QTGAL: variants seen among roughly 807,000 people sequenced by gnomAD.
The protein encoded by QTGAL is queuosine-tRNA galactosyltransferase.
chr17:83,023,600 A>G, the QTGAL span, among the ~76,000 whole-genome samples: 1 of 152,240 alleles, frequency 6.6e-6, no homozygotes, highest in Admixed American at 6.5e-5. Flanking sequence ...CATTCTAAAT[A>G]AAGGGAAAAT....
At chr17:83,021,485 C>CT in the QTGAL span, among the ~76,000 whole-genome samples, 1 of 152,098 alleles carries the variant, frequency 6.6e-6, no homozygotes, top group East Asian at 1.9e-4. Context: ...GACCCATACC[C>CT]TAAAAACTAC....
At chr17:83,011,335 A>G in the QTGAL span, 3 of 152,362 alleles carry the variant, frequency 2.0e-5, no homozygotes, top group African/African-American at 7.2e-5. Context: ...TGATTTATCT[A>G]CATGCAAATG....
chr17:82,957,588 T>G, the QTGAL span: 1 of 1,455,278 alleles, frequency 6.9e-7, no homozygotes. Context: ...TCAGCTCACG[T>G]TGCCAGTGGA....
the QTGAL span, among the ~76,000 whole-genome samples, chr17:83,001,228 A>G: frequency 6.6e-6 from 1 of 152,246 alleles, no homozygotes; most frequent in African/African-American, 2.4e-5. Flanking sequence ...GGGACAGAGG[A>G]ATCTGTTAAA....
the QTGAL span, chr17:82,965,883 G>C: frequency 4.4e-6 from 4 of 905,220 alleles, no homozygotes; most frequent in Non-Finnish European, 6.9e-6. Context: ...AGGGCCTCAA[G>C]AGACTTCACC....
At chr17:83,000,536 T>C in the QTGAL span, among the ~76,000 whole-genome samples, 1 of 152,186 alleles carries the variant, frequency 6.6e-6, no homozygotes, top group Non-Finnish European at 1.5e-5. Context: ...ATGTTAAGTT[T>C]TGATAAATTT....
chr17:83,026,961 G>T, the QTGAL span, among the ~76,000 whole-genome samples: 2 of 89,892 alleles, frequency 2.2e-5, no homozygotes, highest in South Asian at 3.8e-4. Context: ...CACACAGAGC[G>T]GGGCAGGGAG....
the QTGAL span, among the ~76,000 whole-genome samples, chr17:83,029,003 C>T: frequency 2.0e-5 from 3 of 152,272 alleles, no homozygotes; most frequent in South Asian, 2.1e-4. Flanking sequence ...GTTTCACGTA[C>T]GCATGAAATT....
chr17:82,970,159 T>C, the QTGAL span, among the ~76,000 whole-genome samples: 1 of 152,092 alleles, frequency 6.6e-6, no homozygotes, highest in African/African-American at 2.4e-5. Context: ...CCCTGGGACA[T>C]CAGGAAGAGC....
the QTGAL span, among the ~76,000 whole-genome samples, chr17:83,001,065 C>G: frequency 1.3e-5 from 2 of 152,212 alleles, no homozygotes. Flanking sequence ...ACCGATCAAA[C>G]TGTACATTTG....
the QTGAL span, chr17:82,957,268 G>A: frequency 1.2e-6 from 2 of 1,614,168 alleles, no homozygotes; most frequent in Non-Finnish European, 1.7e-6. Flanking sequence ...AAGCACAGAA[G>A]GGCAGCTCTG....
the QTGAL span, among the ~76,000 whole-genome samples, chr17:82,998,004 G>A: frequency 6.8e-6 from 1 of 146,850 alleles, no homozygotes; most frequent in African/African-American, 2.5e-5. Flanking sequence ...TATATATCTA[G>A]ATATATATAG....
the QTGAL span, among the ~76,000 whole-genome samples, chr17:83,024,672 G>C: frequency 6.6e-6 from 1 of 152,260 alleles, no homozygotes; most frequent in East Asian, 1.9e-4. Flanking sequence ...CCCCGGGGCT[G>C]AGACTGCGGA....
the QTGAL span, among the ~76,000 whole-genome samples, chr17:83,004,722 A>G: frequency 3.4e-5 from 4 of 116,498 alleles, no homozygotes; most frequent in African/African-American, 3.6e-5. Context: ...CACTCTCTGC[A>G]GTCCGCGTGT....
chr17:83,005,704 T>A, the QTGAL span: 1 of 711,860 alleles, frequency 1.4e-6, no homozygotes, highest in East Asian at 2.7e-5. The surrounding 1 kb of genome is among the most constrained non-coding windows in gnomAD (Gnocchi z 5.6). Context: ...ACCAGCTGGC[T>A]TCCTCCAGGG....
At chr17:82,999,855 G>A in the QTGAL span, among the ~76,000 whole-genome samples, 2 of 152,202 alleles carry the variant, frequency 1.3e-5, no homozygotes, top group South Asian at 4.1e-4. Flanking sequence ...CAGTGGCACT[G>A]TGTATGGGTC....
the QTGAL span, among the ~76,000 whole-genome samples, chr17:82,952,024 G>T: frequency 6.6e-6 from 1 of 152,204 alleles, no homozygotes; most frequent in African/African-American, 2.4e-5. Context: ...CACTGATGGG[G>T]TTGCTCTCGT....
chr17:82,991,786 G>T, the QTGAL span, among the ~76,000 whole-genome samples: 1 of 152,144 alleles, frequency 6.6e-6, no homozygotes, highest in South Asian at 2.1e-4. Flanking sequence ...CAAAGTAGTT[G>T]TTCTGAGGAA....
chr17:82,981,957 G>T, the QTGAL span, among the ~76,000 whole-genome samples: 2 of 152,254 alleles, frequency 1.3e-5, no homozygotes, highest in East Asian at 3.8e-4. Flanking sequence ...TCATTAAATG[G>T]AAGTGGATCA....
Sources: gnomAD v4.1 joint callset for allele counts (sites outside exome capture counted in the v4.1 genomes callset) on GRCh38, gnomAD v4.1.1 for gene constraint, Gnocchi (gnomAD v3.1) non-coding constraint, MANE v1.5 for transcripts, NCBI Gene and HGNC (gene_info 2026-07-23, HGNC 2026-07-21) for gene names.